TRPM3: variants seen among roughly 807,000 people sequenced by gnomAD.
TRPM3 encodes the protein transient receptor potential cation channel subfamily M member 3, also known as long transient receptor potential channel 3.
In TRPM3, 77 loss-of-function variants were observed where a neutral mutation model predicts 181.2. The ratio of observed to expected loss-of-function variants is 0.42; its 90% CI spans 0.35 to 0.51. The LOEUF (loss-of-function observed/expected upper bound fraction) is 0.51, where lower values mean the gene tolerates loss of function less well. TRPM3 is among the 20% of genes least tolerant of loss of function. TRPM3 has a pLI of 0.01. For missense variants in TRPM3, 1,759 were observed against 2,196.7 expected (o/e 0.80, Z 3.98); for synonymous variants, 745 against 796.4 (o/e 0.94, Z 1.09).
At chr9:71,165,850 G>A (rs1038934009) in intron 1 of TRPM3, among the ~76,000 whole-genome samples, 1 of 152,070 alleles carries the variant, frequency 6.6e-6, no homozygotes, top group Non-Finnish European at 1.5e-5. Flanking sequence ...TTGTAGGTGA[G>A]GTTAATGTCT....
chr9:70,675,516 G>C (rs1338656951), intron 9 of TRPM3, among the ~76,000 whole-genome samples: 5 of 152,096 alleles, frequency 3.3e-5, no homozygotes, highest in Non-Finnish European at 7.4e-5. Context: ...CATTAATTTT[G>C]TCTGAAGATC....
chr9:70,866,809 GC>G (rs752623407), intron 1 of TRPM3, among the ~76,000 whole-genome samples: 1 of 151,952 alleles, frequency 6.6e-6, no homozygotes, highest in Non-Finnish European at 1.5e-5. Context: ...AAAGCACCTG[GC>G]TTTATCTGAC....
intron 21 of TRPM3, among the ~76,000 whole-genome samples, chr9:70,596,994 G>C (rs549562479): frequency 2.6e-4 from 39 of 152,146 alleles, no homozygotes; most frequent in African/African-American, 8.2e-4. Context: ...GAGTGCAATG[G>C]TGTGATCTTG....
At chr9:70,901,254 T>C (rs1368806921) in intron 1 of TRPM3, among the ~76,000 whole-genome samples, 1 of 152,220 alleles carries the variant, frequency 6.6e-6, no homozygotes, top group Non-Finnish European at 1.5e-5. Flanking sequence ...CCTTTGATCA[T>C]TGACTTCCTT....
At chr9:70,557,762 G>A (rs985673840) in intron 22 of TRPM3, among the ~76,000 whole-genome samples, 2 of 152,176 alleles carry the variant, frequency 1.3e-5, no homozygotes, top group African/African-American at 4.8e-5. Context: ...ACATTTGGGT[G>A]GCTTTTCTCT....
chr9:71,168,291 T>C (rs933675917), intron 1 of TRPM3, among the ~76,000 whole-genome samples: 6 of 152,146 alleles, frequency 3.9e-5, no homozygotes, highest in African/African-American at 1.4e-4. Flanking sequence ...TAGTTTTCAC[T>C]CTTTTGTACT....
At chr9:71,324,560 A>G (rs1293016328) in intron 1 of TRPM3, among the ~76,000 whole-genome samples, 2 of 151,706 alleles carry the variant, frequency 1.3e-5, no homozygotes, top group African/African-American at 2.4e-5. Flanking sequence ...CAGTATGGAG[A>G]TTTCTCAAAA....
intron 4 of TRPM3, among the ~76,000 whole-genome samples, chr9:70,845,604 G>A (rs2094922175): frequency 6.6e-6 from 1 of 152,162 alleles, no homozygotes; most frequent in African/African-American, 2.4e-5. Flanking sequence ...CATTAATTAC[G>A]AATGTATCCA....
intron 1 of TRPM3, among the ~76,000 whole-genome samples, chr9:70,928,438 A>G (rs1269693250): frequency 4.6e-5 from 7 of 152,184 alleles, no homozygotes; most frequent in East Asian, 1.9e-4. Flanking sequence ...TGTTAGATCA[A>G]TGTGGAAACC....
intron 1 of TRPM3, among the ~76,000 whole-genome samples, chr9:71,420,835 A>G (rs1223741881): frequency 0.014 from 1 of 70 alleles, no homozygotes; most frequent in African/African-American, 0.022. Context: ...GAGGGAAAGA[A>G]AGAGAGAGGA....
intron 9 of TRPM3, among the ~76,000 whole-genome samples, chr9:70,647,621 A>T (rs968113316): frequency 6.6e-6 from 1 of 152,202 alleles, no homozygotes; most frequent in Non-Finnish European, 1.5e-5. Flanking sequence ...ATTCCCCTTG[A>T]GAACTGGAAC....
intron 1 of TRPM3, among the ~76,000 whole-genome samples, chr9:71,187,595 A>G (rs1717046705): frequency 6.6e-6 from 1 of 151,994 alleles, no homozygotes; most frequent in African/African-American, 2.4e-5. Context: ...TTAGGAATTA[A>G]AACAGTAACA....
chr9:71,412,770 AG>A (rs1463346058), intron 1 of TRPM3, among the ~76,000 whole-genome samples: 5 of 152,230 alleles, frequency 3.3e-5, no homozygotes, highest in African/African-American at 1.2e-4. Context: ...AGGATTATAA[AG>A]CATGCTACTA....
At chr9:71,146,900 T>C (rs2075438551) in intron 1 of TRPM3, among the ~76,000 whole-genome samples, 1 of 152,204 alleles carries the variant, frequency 6.6e-6, no homozygotes, top group Admixed American at 6.5e-5. Context: ...TTTAATTTCC[T>C]TTCTAAATCT....
intron 9 of TRPM3, among the ~76,000 whole-genome samples, chr9:70,676,613 A>T (rs1268014060): frequency 1.3e-5 from 2 of 152,210 alleles, no homozygotes; most frequent in South Asian, 4.1e-4. Context: ...GCAGGTGGAC[A>T]GAGGGGTTAG....
intron 22 of TRPM3, among the ~76,000 whole-genome samples, chr9:70,562,164 A>G (rs113120086): frequency 0.02 from 3,056 of 152,360 alleles, 112 homozygotes; most frequent in African/African-American, 0.069. Flanking sequence ...AGAGTAGAAC[A>G]AAGGTTATAA....
intron 1 of TRPM3, among the ~76,000 whole-genome samples, chr9:70,908,114 A>G (rs1424912075): frequency 6.6e-6 from 1 of 152,142 alleles, no homozygotes; most frequent in Non-Finnish European, 1.5e-5. Context: ...AACAATATAT[A>G]TTAAATAAAG....
chr9:70,853,857 G>A (rs1042991026), intron 3 of TRPM3, among the ~76,000 whole-genome samples: 2 of 152,094 alleles, frequency 1.3e-5, no homozygotes, highest in African/African-American at 4.8e-5. Context: ...TTCATGTTTG[G>A]TTGTCACCAT....
chr9:71,125,529 AT>A (rs570487723), upstream of TRPM3, among the ~76,000 whole-genome samples: 3 of 152,184 alleles, frequency 2.0e-5, no homozygotes, highest in South Asian at 6.2e-4. Flanking sequence ...ACATAATCTC[AT>A]TCTTTTTATG....
Sources: allele counts gnomAD v4.1 joint callset (sites outside exome capture counted in the v4.1 genomes callset), GRCh38; gene constraint gnomAD v4.1.1; transcripts MANE v1.5; gene names NCBI Gene and HGNC (gene_info 2026-07-23, HGNC 2026-07-21).